HS2ST1: variants seen among roughly 807,000 people sequenced by gnomAD.
The protein encoded by HS2ST1 is 2-O-sulfotransferase.
Under a neutral mutation model 42.9 loss-of-function variants are expected in HS2ST1, and 18 were observed. The ratio of observed to expected loss-of-function variants is 0.42; its 90% confidence interval spans 0.29 to 0.62. HS2ST1 has a LOEUF of 0.62. Ranked by LOEUF, HS2ST1 falls within the 20% of genes least tolerant of loss-of-function variation. The probability of loss-of-function intolerance (pLI) is 0.21; values close to 1 mark genes in which losing one functional copy is unlikely to be tolerated. For missense variants in HS2ST1, 334 were observed against 433.8 expected, an observed-to-expected ratio of 0.77 and a Z score of 2.04; for synonymous variants, 146 against 152.9, an observed-to-expected ratio of 0.95 and a Z score of 0.33.
At chr1:87,042,637 A>G (rs1650550820) in intron 1 of HS2ST1, among the ~76,000 whole-genome samples, 1 of 152,136 alleles carries the variant, frequency 6.6e-6, no homozygotes, top group Non-Finnish European at 1.5e-5. Flanking sequence ...TGCGAGGCAT[A>G]ACTAAACATA....
chr1:87,101,160 T>G (rs1476583913), intron 5 of HS2ST1, among the ~76,000 whole-genome samples: 18 of 110,216 alleles, frequency 1.6e-4, no homozygotes, highest in African/African-American at 4.7e-4. Flanking sequence ...TTTTTTGTTT[T>G]TTTTTTTTTT....
intron 1 of HS2ST1, among the ~76,000 whole-genome samples, chr1:87,032,868 C>T (rs1357283129): frequency 6.6e-6 from 1 of 152,144 alleles, no homozygotes; most frequent in African/African-American, 2.4e-5. Context: ...GTTGACTCCA[C>T]AGATTTTCTG....
rs754633203 is a variant in HS2ST1, at chr1:86,915,180, C to T, written c.124+20C>T. The T allele has an allele frequency of 6.2e-7, 1 of 1,606,694 alleles. No individual in the cohort carries two copies. ...AGCTAGGTGAGGAACTGAACTGCCC[C>T]GGGCTGAGTGCTGTGGAAGGGGCCG... On this transcript the variant is annotated intron_variant, in intron 1 of 6. Coordinates refer to ENST00000370550, the MANE Select transcript of HS2ST1 (RefSeq NM_012262.4).
At chr1:87,001,958 G>C (rs1351557866) in intron 1 of HS2ST1, among the ~76,000 whole-genome samples, 2 of 147,950 alleles carry the variant, frequency 1.4e-5, no homozygotes, top group Non-Finnish European at 3.0e-5. Context: ...TGTTGCCCAG[G>C]CTGTAGTGCA....
At chr1:86,940,208 T>C (rs1039402314) in intron 1 of HS2ST1, among the ~76,000 whole-genome samples, 16 of 151,990 alleles carry the variant, frequency 1.1e-4, no homozygotes, top group African/African-American at 3.9e-4. Flanking sequence ...TCCCCGTCTC[T>C]ACAAAAAATT....
intron 1 of HS2ST1, among the ~76,000 whole-genome samples, chr1:87,056,897 A>AAC (rs1010108444): frequency 1.2e-4 from 19 of 152,320 alleles, no homozygotes; most frequent in Admixed American, 7.2e-4. Flanking sequence ...TTAAGAAATT[A>AAC]ACACTAGGTT....
At chr1:87,053,857 G>C (rs1650893124) in intron 1 of HS2ST1, among the ~76,000 whole-genome samples, 1 of 152,058 alleles carries the variant, frequency 6.6e-6, no homozygotes, top group African/African-American at 2.4e-5. Context: ...CAGATATTTA[G>C]AACCAAAAGC....
chr1:87,082,100 A>G (rs1033631366), intron 2 of HS2ST1, among the ~76,000 whole-genome samples: 1 of 152,212 alleles, frequency 6.6e-6, no homozygotes, highest in Non-Finnish European at 1.5e-5. Context: ...TCAAAGGATC[A>G]TTAGAGGCTA....
At chr1:87,093,124 C>A (rs1178225221) in intron 4 of HS2ST1, among the ~76,000 whole-genome samples, 1 of 151,954 alleles carries the variant, frequency 6.6e-6, no homozygotes, top group East Asian at 1.9e-4. Context: ...GGGTTGTCTT[C>A]CATTTCACTG....
chr1:86,964,957 G>A (rs868490969), intron 1 of HS2ST1, among the ~76,000 whole-genome samples: 3 of 152,276 alleles, frequency 2.0e-5, no homozygotes, highest in Admixed American at 1.3e-4. Context: ...ATTTGCACTA[G>A]TTTACTCATT....
intron 1 of HS2ST1, among the ~76,000 whole-genome samples, chr1:87,023,684 A>G (rs561212160): frequency 4.7e-4 from 72 of 152,294 alleles, no homozygotes; most frequent in African/African-American, 1.6e-3. Flanking sequence ...TATTAGGTGC[A>G]TGATAAGGAT....
intron 1 of HS2ST1, among the ~76,000 whole-genome samples, chr1:87,064,798 C>A (rs1651205791): frequency 6.6e-6 from 1 of 152,092 alleles, no homozygotes; most frequent in Non-Finnish European, 1.5e-5. Context: ...GTAGCTGGGA[C>A]TACAGGCATG....
At chr1:87,007,060 C>T (rs1207655525) in intron 1 of HS2ST1, among the ~76,000 whole-genome samples, 1 of 151,972 alleles carries the variant, frequency 6.6e-6, no homozygotes, top group Non-Finnish European at 1.5e-5. Flanking sequence ...CTTACAATAG[C>T]ATAAAGATTT....
intron 3 of HS2ST1, 104 bp downstream of exon 3, chr1:87,084,383 C>A: frequency 1.5e-6 from 1 of 672,200 alleles, no homozygotes; most frequent in Non-Finnish European, 2.5e-6. Context: ...AAAGAATGTA[C>A]TGTCTTGCCT....
chr1:86,946,559 CAG>C (rs1557489204), intron 1 of HS2ST1, among the ~76,000 whole-genome samples: 1 of 152,208 alleles, frequency 6.6e-6, no homozygotes, highest in Non-Finnish European at 1.5e-5. Context: ...GGTCGCATAA[CAG>C]AATCTCTTAG....
At position 87,009,808 on chromosome 1, in the gene HS2ST1, G is replaced by C. The variant is rs12076088; in HGVS notation, c.125-63126G>C. Among the ~76,000 whole-genome samples the C allele has an allele frequency of 8.6e-3, 1,306 of 152,130 alleles. 24 individuals are homozygous for C. Among genetic ancestry groups the C allele is most frequent in the African/African-American group, 0.031 (1,266 of 41,498 alleles). On this transcript the variant is annotated intron_variant, in intron 1 of 6. Coordinates refer to ENST00000370550, the MANE Select transcript of HS2ST1 (RefSeq NM_012262.4). Reference sequence around the variant, plus strand: ...TCAGCACTTTGGGAGGCCGAGGCGGGTGGATCACGAGGTCAGGAGATCGAG... The same window carrying C: ...TCAGCACTTTGGGAGGCCGAGGCGGCTGGATCACGAGGTCAGGAGATCGAG...
At chr1:87,067,213 C>T (rs1272578425) in intron 1 of HS2ST1, among the ~76,000 whole-genome samples, 2 of 152,218 alleles carry the variant, frequency 1.3e-5, no homozygotes, top group Non-Finnish European at 1.5e-5. Context: ...TCCTATTTCT[C>T]CACGTCCTCT....
intron 1 of HS2ST1, among the ~76,000 whole-genome samples, chr1:86,982,985 CTCG>C (rs1648642388): frequency 6.6e-6 from 1 of 152,184 alleles, no homozygotes; most frequent in Admixed American, 6.5e-5. Context: ...CAATAAATTA[CTCG>C]TCTGCATCTG....
intron 2 of HS2ST1, among the ~76,000 whole-genome samples, chr1:87,078,172 G>T (rs929767035): frequency 3.9e-5 from 6 of 152,296 alleles, no homozygotes; most frequent in Non-Finnish European, 8.8e-5. Context: ...GAATGTTCAG[G>T]ATGACATTCC....
Sources: allele counts gnomAD v4.1 joint callset (sites outside exome capture counted in the v4.1 genomes callset), GRCh38; gene constraint gnomAD v4.1.1; transcripts MANE v1.5; gene names NCBI Gene and HGNC (gene_info 2026-07-23, HGNC 2026-07-21).